The following CAPN9 variants were observed in gnomAD, a reference collection of about 807,000 sequenced individuals.
CAPN9 encodes calpain 9, also known as calpain-9.
CAPN9 carries 81 observed loss-of-function variants against 92.8 expected under a neutral mutation model. That is an observed-to-expected ratio of 0.87 (90% confidence interval 0.73 to 1.05). The LOEUF is 1.05. Among genes scored for constraint, CAPN9 ranks in the 50% least tolerant of loss-of-function variants. The probability of loss-of-function intolerance (pLI) is 0.00; values close to 1 mark genes in which losing one functional copy is unlikely to be tolerated. For synonymous variants in CAPN9, 304 were observed against 328.0 expected, an observed-to-expected ratio of 0.93 and a Z score of 0.79; for missense variants, 848 against 866.2, an observed-to-expected ratio of 0.98 and a Z score of 0.26.
chr1:230,791,793 G>A, intron 14 of CAPN9, 71 bp from the exon 15 acceptor site: 1 of 1,196,704 alleles, frequency 8.4e-7, no homozygotes, highest in South Asian at 1.2e-5. Flanking sequence ...ACATTATTGG[G>A]CTTTCAGCAG....
At chr1:230,794,725 C>A (rs1002422429) in intron 17 of CAPN9, among the ~76,000 whole-genome samples, 3 of 152,144 alleles carry the variant, frequency 2.0e-5, no homozygotes, top group African/African-American at 7.2e-5. Flanking sequence ...AAGAAACTTT[C>A]TAGGGCCACA....
In CAPN9 at chr1:230,785,996, T is replaced by G. The variant is rs764766593; in HGVS notation, c.1497T>G (p.Asn499Lys). 6.2e-7 allele frequency: 1 copy of G among 1,614,074 alleles called. No homozygotes were observed. Residue 499 changes from asparagine to lysine, a missense_variant, in exon 12 of 20, where the codon AAT (asparagine) becomes AAG (lysine). Physicochemically the swap from Asn to Lys is moderately conservative, Grantham distance 94. Transcript: ENST00000271971. ...GCCCCTACAGGGATATGGATGGAAA[T>G]GTAGACATTGACCTTCCTGAGGTGA... ...KKAITRDMDG[N>K]VDIDLPEPPK...
In CAPN9 at chr1:230,747,396, G is replaced by A; in HGVS notation, c.-101G>A. 5.0e-6 allele frequency: 5 copies of A among 1,004,878 alleles called. No homozygotes were observed. Among genetic ancestry groups the A allele is most frequent in the Non-Finnish European group, 7.9e-6 (5 of 634,842 alleles). 62.2% of individuals were successfully genotyped at this position (1,004,878 alleles called of 1,614,324 possible). A position where few individuals can be genotyped will look rare whatever the true frequency, so the allele number is the denominator to read the frequency against. ...GGAGGTGAGGGCCACTCAGCCCAGTGGCCCTCTGAGCTGTTCCTTCTTGAC... is the reference window on the plus strand; with the variant it reads ...GGAGGTGAGGGCCACTCAGCCCAGTAGCCCTCTGAGCTGTTCCTTCTTGAC... On this transcript the variant is annotated 5_prime_UTR_variant, in exon 1 of 20. Coordinates refer to ENST00000271971, the MANE Select transcript of CAPN9 (RefSeq NM_006615.3).
intron 7 of CAPN9, 97 bp downstream of exon 7, chr1:230,772,196 C>A (rs1666430223): frequency 2.0e-6 from 2 of 1,003,984 alleles, no homozygotes; most frequent in Non-Finnish European, 3.1e-6. Flanking sequence ...TGTCTACTAT[C>A]CTCCCGGGCT....
intron 2 of CAPN9, among the ~76,000 whole-genome samples, chr1:230,755,916 T>A (rs1443062562): frequency 1.3e-5 from 2 of 152,062 alleles, no homozygotes; most frequent in Non-Finnish European, 2.9e-5. Context: ...CTAACCATTA[T>A]ACACACCCTG....
At chr1:230,763,260 ATAAATTTTACCATTTT>A (rs1195626120) in intron 4 of CAPN9, among the ~76,000 whole-genome samples, 1 of 152,242 alleles carries the variant, frequency 6.6e-6, no homozygotes, top group African/African-American at 2.4e-5. Flanking sequence ...TGTATATGAC[ATAAATTTTACCATTTT>A]TAAGTGTGCA....
At chr1:230,752,659 A>G (rs1664923397) in intron 1 of CAPN9, 2 of 985,012 alleles carry the variant, frequency 2.0e-6, no homozygotes, top group Non-Finnish European at 1.2e-6. Flanking sequence ...CCCAGGAGCT[A>G]GCACAGCCTG....
Position 230,774,537 on chromosome 1 carries a change from A to G in CAPN9, c.876-17A>G. On this transcript the variant is annotated splice_polypyrimidine_tract_variant and intron_variant, in intron 7 of 19. Coordinates refer to ENST00000271971, the MANE Select transcript of CAPN9 (RefSeq NM_006615.3). ...CATCATGACCTCTGCCTGAACACCA[A>G]TTTTGTTTACTCCTAGTTCTCCGGA... is the stretch of plus-strand genomic sequence containing the variant. 6.3e-7 allele frequency: 1 copy of G among 1,596,550 alleles called. No individual in the cohort carries two copies. Among genetic ancestry groups the G allele is most frequent in the Non-Finnish European group, 8.6e-7 (1 of 1,164,198 alleles).
At chr1:230,758,569 C>T (rs1167044157) in intron 2 of CAPN9, among the ~76,000 whole-genome samples, 5 of 152,088 alleles carry the variant, frequency 3.3e-5, no homozygotes, top group African/African-American at 7.2e-5. Context: ...TTAGCTTTCC[C>T]GATGTTCAGC....
At chr1:230,760,815 G>A (rs28359618) in intron 3 of CAPN9, among the ~76,000 whole-genome samples, 4,615 of 152,228 alleles carry the variant, frequency 0.03, 226 homozygotes, top group African/African-American at 0.1. Context: ...GGCAGTGTTG[G>A]GGGTGGTTAA....
intron 4 of CAPN9, among the ~76,000 whole-genome samples, chr1:230,764,707 A>G (rs920544064): frequency 6.6e-6 from 1 of 152,228 alleles, no homozygotes. Flanking sequence ...ATCTAATTAT[A>G]CATGTATATT....
Position 230,795,155 on chromosome 1 carries a change from C to G in CAPN9, c.1871-8C>G, listed in dbSNP as rs762764866. The stretch of plus-strand genomic sequence containing the variant: ...GCGAGTCCTGGGTCTCCTCCTTTGT[C>G]CCCACAGGCTTTCAGCTGAGCAGCC... On this transcript the variant is annotated splice_polypyrimidine_tract_variant and splice_region_variant and intron_variant, in intron 17 of 19. Coordinates refer to ENST00000271971, the MANE Select transcript of CAPN9 (RefSeq NM_006615.3). 8 of 1,585,512 alleles carry G rather than the reference C, an allele frequency of 5.0e-6. No homozygotes were observed. The highest frequency in any genetic ancestry group is 3.3e-5 in the South Asian group (3 of 90,420).
intron 11 of CAPN9, 23 bp from the exon 12 acceptor site, chr1:230,785,958 A>C (rs369834039): frequency 7.6e-5 from 122 of 1,611,840 alleles, no homozygotes; most frequent in Non-Finnish European, 1.0e-4. Context: ...CAATTGAGGC[A>C]GTGTGTTTTT....
intron 3 of CAPN9, 115 bp downstream of exon 3, chr1:230,759,745 A>T: frequency 9.3e-6 from 6 of 648,206 alleles, no homozygotes; most frequent in Non-Finnish European, 1.6e-5. Context: ...TCTGTGTGAC[A>T]TATGGTCCTA....
intron 19 of CAPN9, among the ~76,000 whole-genome samples, chr1:230,800,646 T>A (rs1668674038): frequency 6.6e-6 from 1 of 152,170 alleles, no homozygotes; most frequent in South Asian, 2.1e-4. Context: ...ATTCTCTCCC[T>A]CTAAACCTAC....
chr1:230,795,668 T>C (rs1253423247), intron 18 of CAPN9, among the ~76,000 whole-genome samples: 1 of 151,982 alleles, frequency 6.6e-6, no homozygotes, highest in Non-Finnish European at 1.5e-5. Context: ...TTGACCCAGT[T>C]ATCTCAAATA....
At chr1:230,760,400 T>G (rs1665557098) in intron 3 of CAPN9, among the ~76,000 whole-genome samples, 1 of 151,754 alleles carries the variant, frequency 6.6e-6, no homozygotes, top group Admixed American at 6.6e-5. Context: ...AGGCACCGAG[T>G]AGGCATTCCT....
chr1:230,761,555 A>AACACACACACACGCACAC (rs1553257769), intron 3 of CAPN9, among the ~76,000 whole-genome samples: 3 of 150,622 alleles, frequency 2.0e-5, no homozygotes, highest in African/African-American at 2.4e-5. Flanking sequence ...TCTTCCTTAA[A>AACACACACACACGCACAC]ACACACACAC....
chr1:230,751,793 A>G (rs12060898), intron 1 of CAPN9, among the ~76,000 whole-genome samples: 10,197 of 147,038 alleles, frequency 0.069, 426 homozygotes, highest in South Asian at 0.14. Context: ...CCTGAAAGCA[A>G]ACATTCCAGG....
Sources: allele counts gnomAD v4.1 joint callset (sites outside exome capture counted in the v4.1 genomes callset), GRCh38; gene constraint gnomAD v4.1.1; transcripts MANE v1.5; gene names NCBI Gene and HGNC (gene_info 2026-07-23, HGNC 2026-07-21).